The following THRB variants were observed in gnomAD, a reference collection of about 807,000 sequenced individuals.
The protein encoded by THRB is thyroid hormone receptor beta, also known as nuclear receptor subfamily 1 group A member 2.
In THRB, 12 loss-of-function variants were observed where a neutral mutation model predicts 47.8. The ratio of observed to expected loss-of-function variants is 0.25; its 90% CI spans 0.16 to 0.41. The LOEUF is 0.41. Among genes scored for constraint, THRB ranks in the 10% least tolerant of loss-of-function variants. The pLI is 1.00. For synonymous variants in THRB, 218 were observed against 212.2 expected, an observed-to-expected ratio of 1.03 and a Z score of -0.24; for missense variants, 348 against 589.2, an observed-to-expected ratio of 0.59 and a Z score of 4.24.
chr3:24,209,529 A>T (rs528716246), intron 4 of THRB, among the ~76,000 whole-genome samples: 3 of 152,324 alleles, frequency 2.0e-5, no homozygotes, highest in Admixed American at 1.3e-4. Context: ...CTTTGTAGGG[A>T]CATGGATGAA....
intron 3 of THRB, among the ~76,000 whole-genome samples, chr3:24,291,951 A>G (rs2055965221): frequency 6.6e-6 from 1 of 152,180 alleles, no homozygotes; most frequent in South Asian, 2.1e-4. Flanking sequence ...TGAAATTGCA[A>G]CATTCTGGAA....
chr3:24,339,312 C>G (rs2062470090), intron 1 of THRB, among the ~76,000 whole-genome samples: 1 of 152,056 alleles, frequency 6.6e-6, no homozygotes, highest in African/African-American at 2.4e-5. Context: ...CTGGGTTGTT[C>G]TAATTATTTT....
intron 1 of THRB, among the ~76,000 whole-genome samples, chr3:24,460,259 T>G (rs1238925077): frequency 6.6e-6 from 1 of 152,222 alleles, no homozygotes; most frequent in African/African-American, 2.4e-5. Context: ...TATTATTTTT[T>G]TTCTTGTTTC....
intron 2 of THRB, among the ~76,000 whole-genome samples, chr3:24,307,346 A>G (rs1483710946): frequency 6.7e-6 from 1 of 150,350 alleles, no homozygotes; most frequent in Non-Finnish European, 1.5e-5. Context: ...TAATGCAACT[A>G]TTCAGATCTC....
chr3:24,152,523 A>G, intron 5 of THRB, 33 bp from the exon 6 acceptor site: 1 of 1,158,644 alleles, frequency 8.6e-7, no homozygotes, highest in Middle Eastern at 2.2e-4. Context: ...AATATTAAAA[A>G]ATAATATGTT....
intron 1 of THRB, among the ~76,000 whole-genome samples, chr3:24,337,607 C>T (rs2062343884): frequency 6.6e-6 from 1 of 152,244 alleles, no homozygotes; most frequent in African/African-American, 2.4e-5. Flanking sequence ...AGGCATGGGA[C>T]AACTTTTGTG....
At chr3:24,441,423 G>T (rs1386319561) in intron 1 of THRB, among the ~76,000 whole-genome samples, 1 of 152,156 alleles carries the variant, frequency 6.6e-6, no homozygotes, top group Non-Finnish European at 1.5e-5. Flanking sequence ...GGTAGAGGAG[G>T]GACCTGGAGA....
chr3:24,245,937 C>G (rs986138607), intron 3 of THRB, among the ~76,000 whole-genome samples: 6 of 151,918 alleles, frequency 3.9e-5, no homozygotes, highest in Non-Finnish European at 8.8e-5. Flanking sequence ...CAAAACAAAA[C>G]AAAACAAACA....
intron 3 of THRB, among the ~76,000 whole-genome samples, chr3:24,230,873 T>TCCTAGGGACTAGTCTAG (rs2048191839): frequency 6.6e-6 from 1 of 152,164 alleles, no homozygotes; most frequent in South Asian, 2.1e-4. Flanking sequence ...TATTATCTAG[T>TCCTAGGGACTAGTCTAG]TCCTCTCTAG....
Position 24,122,823 on chromosome 3 carries a change from G to C in THRB, c.*61C>G. The C allele has an allele frequency of 6.2e-7, 1 of 1,609,708 alleles. No individual in the cohort carries two copies. Among genetic ancestry groups the C allele is most frequent in the South Asian group, 1.1e-5 (1 of 90,912 alleles). ...AAAGAAACAAACAAAAAAGAGCTAG[G>C]CAATGGAATGAAATGACACCCAGTA... On this transcript the variant is annotated 3_prime_UTR_variant, in exon 11 of 11. Transcript: ENST00000646209.
intron 3 of THRB, among the ~76,000 whole-genome samples, chr3:24,248,944 C>T (rs967586834): frequency 3.3e-5 from 5 of 152,136 alleles, no homozygotes; most frequent in Non-Finnish European, 5.9e-5. Context: ...GCTCCAATTC[C>T]GATGTAACAA....
chr3:24,486,890 C>G (rs1365723532), intron 1 of THRB, among the ~76,000 whole-genome samples: 1 of 152,080 alleles, frequency 6.6e-6, no homozygotes, highest in African/African-American at 2.4e-5. Flanking sequence ...GTACTTTATT[C>G]TAGATCTCCA....
intron 1 of THRB, among the ~76,000 whole-genome samples, chr3:24,398,569 C>A (rs2067149314): frequency 6.6e-6 from 1 of 152,122 alleles, no homozygotes; most frequent in African/African-American, 2.4e-5. Context: ...ATTAAAAAGT[C>A]AGGAAACAAC....
At chr3:24,396,193 T>C (rs890442931) in intron 1 of THRB, among the ~76,000 whole-genome samples, 7 of 152,030 alleles carry the variant, frequency 4.6e-5, no homozygotes, top group Non-Finnish European at 7.4e-5. Context: ...TTTCTATATA[T>C]ACACACACCC....
intron 1 of THRB, among the ~76,000 whole-genome samples, chr3:24,426,541 A>C (rs1364253935): frequency 6.6e-6 from 1 of 151,956 alleles, no homozygotes; most frequent in Non-Finnish European, 1.5e-5. Context: ...TCCATCCTAG[A>C]AACCCACCTT....
intron 3 of THRB, among the ~76,000 whole-genome samples, chr3:24,229,572 C>A (rs1430289149): frequency 6.6e-6 from 1 of 152,202 alleles, no homozygotes; most frequent in African/African-American, 2.4e-5. Flanking sequence ...CCCCACCTCA[C>A]CACTACCTTA....
intron 1 of THRB, among the ~76,000 whole-genome samples, chr3:24,385,495 C>G (rs2066030199): frequency 1.3e-5 from 2 of 152,064 alleles, no homozygotes; most frequent in Admixed American, 1.3e-4. Flanking sequence ...TTGTCACACT[C>G]TCTAAGTGTT....
chr3:24,464,581 C>T (rs568223111), intron 1 of THRB, among the ~76,000 whole-genome samples: 57 of 152,184 alleles, frequency 3.7e-4, no homozygotes, highest in Non-Finnish European at 7.5e-4. Flanking sequence ...GGAGGTCTTT[C>T]TTTTTAAGCT....
intron 4 of THRB, among the ~76,000 whole-genome samples, chr3:24,214,859 T>C (rs1296078279): frequency 3.3e-5 from 5 of 152,248 alleles, no homozygotes; most frequent in African/African-American, 1.2e-4. Context: ...TTTACTCTTG[T>C]TGGGACTGAA....
Sources: gnomAD v4.1 joint callset for allele counts (sites outside exome capture counted in the v4.1 genomes callset) on GRCh38, gnomAD v4.1.1 for gene constraint, MANE v1.5 for transcripts, NCBI Gene and HGNC (gene_info 2026-07-23, HGNC 2026-07-21) for gene names.